RP1: variants seen among roughly 807,000 people sequenced by gnomAD.
RP1 encodes the protein RP1 axonemal microtubule associated, also known as oxygen-regulated protein 1.
Under a neutral mutation model 14.8 loss-of-function variants are expected in RP1, and 16 were observed. The observed-to-expected ratio is 1.08, with a 90% CI of 0.73 to 1.65. The LOEUF is 1.65. Among genes scored for constraint, RP1 ranks in the 40% most tolerant of loss-of-function variants. The pLI is 0.00. For missense variants in RP1, 2,631 were observed against 2,535.0 expected (o/e 1.04, Z -0.81); for synonymous variants, 876 against 883.6 (o/e 0.99, Z 0.15).
At chr8:54,853,752 G>GAT (rs1812111275) in intron 26 of RP1, among the ~76,000 whole-genome samples, 1 of 136,226 alleles carries the variant, frequency 7.3e-6, no homozygotes. Context: ...AAGAAAGAAA[G>GAT]AGAGAGAGAA....
Position 54,621,075 on chromosome 8 carries a change from C to T in RP1, c.109C>T (p.Arg37Ter). ...CCTCACTCATCCTGTTGTGGCCAAG[C>T]GAATCAGTTTCTACAAGAGCGGAGA... ...LSLTHPVVAK[R>*]ISFYKSGDPQ... is the part of the protein sequence containing the mutation. Residue 37 changes from arginine to a stop codon, truncating the protein, a stop_gained, in exon 2 of 4, where the codon CGA becomes TGA. Transcript: ENST00000220676. LOFTEE classifies it high-confidence loss of function. 1 of 1,614,120 alleles carries T rather than the reference C, an allele frequency of 6.2e-7. No individual in the cohort carries two copies. The highest frequency in any genetic ancestry group is 8.5e-7 in the Non-Finnish European group (1 of 1,180,016).
chr8:54,747,457 A>G (rs1311168438), intron 19 of RP1, among the ~76,000 whole-genome samples: 1 of 152,246 alleles, frequency 6.6e-6, no homozygotes, highest in African/African-American at 2.4e-5. Context: ...CTTCCACTAG[A>G]AAGTGAGTGA....
At chr8:54,606,368 G>A (rs1805442554) in intron 1 of RP1, among the ~76,000 whole-genome samples, 1 of 151,638 alleles carries the variant, frequency 6.6e-6, no homozygotes, top group South Asian at 2.1e-4. Context: ...TTGAATATTG[G>A]CCCCCACTCT....
At chr8:54,795,708 C>T (rs748301295) in intron 24 of RP1, among the ~76,000 whole-genome samples, 4 of 152,136 alleles carry the variant, frequency 2.6e-5, no homozygotes, top group Non-Finnish European at 5.9e-5. Context: ...TTTTGAAAGA[C>T]TAACATCTTT....
chr8:54,752,735 A>C (rs907888972), intron 19 of RP1, among the ~76,000 whole-genome samples: 1 of 152,120 alleles, frequency 6.6e-6, no homozygotes, highest in Non-Finnish European at 1.5e-5. Context: ...ATGTAGACAC[A>C]CCAGTTTCTC....
At chr8:54,654,161 T>G (rs1806711235) in intron 5 of RP1, among the ~76,000 whole-genome samples, 1 of 152,238 alleles carries the variant, frequency 6.6e-6, no homozygotes, top group South Asian at 2.1e-4. Context: ...AAAGCCCTTA[T>G]CCAGTTTATC....
At chr8:54,726,443 G>A (rs1204982705) in exon 17 of RP1, 2 of 1,534,394 alleles carry the variant, frequency 1.3e-6, no homozygotes, top group African/African-American at 1.4e-5. Flanking sequence ...CCCAGAATCT[G>A]AGGCTAGGAG....
At chr8:54,614,490 C>G (rs1805668268), upstream of RP1, among the ~76,000 whole-genome samples, 1 of 152,098 alleles carries the variant, frequency 6.6e-6, no homozygotes, top group Non-Finnish European at 1.5e-5. Context: ...ACCACTGCAG[C>G]AAGATCCCAG....
chr8:54,818,993 G>A (rs1013520769), intron 24 of RP1, among the ~76,000 whole-genome samples: 7 of 152,024 alleles, frequency 4.6e-5, no homozygotes, highest in African/African-American at 1.4e-4. Context: ...GATGGGAAGA[G>A]GAGGGGGAGG....
At position 54,580,733 on chromosome 8, in the gene RP1, C is replaced by G. The variant is rs576698299; in HGVS notation, c.-13+21413C>G. On this transcript the variant is annotated intron_variant, in intron 1 of 22. Transcript: ENST00000636932. ...TCCTGGGTTCAAGTGATTCTCCTGCCCCAGCCTCCAGAGTAGCTGGGACTA... is the reference window on the plus strand; with the variant it reads ...TCCTGGGTTCAAGTGATTCTCCTGCGCCAGCCTCCAGAGTAGCTGGGACTA... 5.3e-5 allele frequency among the ~76,000 whole-genome samples: 8 copies of G among 152,086 alleles called. No individual in the cohort carries two copies. The South Asian group carries it at 1.7e-3, about 32-fold the overall frequency.
chr8:54,853,399 A>G lies in RP1; in HGVS notation c.3990+671A>G, dbSNP rs527677306. Among the ~76,000 whole-genome samples, 10 of 152,310 alleles carry G rather than the reference A, an allele frequency of 6.6e-5. No individual in the cohort carries two copies. The South Asian group carries it at 2.1e-3, about 32-fold the overall frequency. ...AAGACTCAGTGGAAGTGTGCATTCTATAAGTCACTGCTGTTGGCAGCAGGG... is the reference window on the plus strand; with the variant it reads ...AAGACTCAGTGGAAGTGTGCATTCTGTAAGTCACTGCTGTTGGCAGCAGGG... On this transcript the variant is annotated intron_variant, in intron 26 of 28. Coordinates refer to the RP1 transcript ENST00000637698.
chr8:54,828,882 C>CTTTTTTTTTTTTTTTTTTTTT (rs201534661), intron 24 of RP1, among the ~76,000 whole-genome samples: 2 of 83,900 alleles, frequency 2.4e-5, no homozygotes, highest in Non-Finnish European at 4.4e-5. Flanking sequence ...TCTTCTTCTT[C>CTTTTTTTTTTTTTTTTTTTTT]TTTTTTTTTT....
intron 24 of RP1, among the ~76,000 whole-genome samples, chr8:54,821,731 C>T (rs1412499976): frequency 2.6e-5 from 4 of 152,138 alleles, no homozygotes; most frequent in Admixed American, 6.6e-5. Context: ...TAATTGTCAC[C>T]GCTAAGTACC....
At chr8:54,866,814 T>C (rs1460746603) in intron 28 of RP1, among the ~76,000 whole-genome samples, 1 of 152,202 alleles carries the variant, frequency 6.6e-6, no homozygotes, top group Non-Finnish European at 1.5e-5. Context: ...TTATATATGC[T>C]GTGAAGACCT....
intron 1 of RP1, among the ~76,000 whole-genome samples, chr8:54,600,215 GT>G (rs1411453590): frequency 6.6e-6 from 1 of 152,166 alleles, no homozygotes; most frequent in Admixed American, 6.5e-5. Flanking sequence ...ATAAAGGGGA[GT>G]TTCCCTGCAT....
At chr8:54,739,953 C>T (rs1435716156) in intron 19 of RP1, among the ~76,000 whole-genome samples, 1 of 151,662 alleles carries the variant, frequency 6.6e-6, no homozygotes, top group Non-Finnish European at 1.5e-5. Context: ...ACTGTGCTGC[C>T]AGTTGTGTAG....
In RP1 at chr8:54,850,956, G is replaced by C. The variant is rs116312922; in HGVS notation, c.3836-1618G>C. The stretch of plus-strand genomic sequence containing the variant: ...TGTAACTCTTTTTGACTCGGTTTGA[G>C]AATAAAAGTTAGTGCTCAACTATGA... On this transcript the variant is annotated intron_variant, in intron 25 of 28. Coordinates refer to the RP1 transcript ENST00000637698. Among the ~76,000 whole-genome samples the C allele has an allele frequency of 5.6e-3, 846 of 152,252 alleles. 7 individuals carry two copies. The highest frequency in any genetic ancestry group is 0.019 in the African/African-American group (790 of 41,554).
chr8:54,669,016 AATAG>A (rs1294160563), intron 7 of RP1, among the ~76,000 whole-genome samples: 1 of 152,224 alleles, frequency 6.6e-6, no homozygotes, highest in Non-Finnish European at 1.5e-5. Context: ...CAAAAGCCAA[AATAG>A]ACAAATGGGA....
rs1160117650 is a variant in RP1, at chr8:54,627,614, A to G, written c.3732A>G (p.Ala1244=). 6.2e-7 allele frequency: 1 copy of G among 1,614,204 alleles called. No individual in the cohort carries two copies. The highest frequency in any genetic ancestry group is 1.1e-5 in the South Asian group (1 of 91,088). ...ATGGAGGTTGCTCTGCCAGTGAGGC[A>G]TGTGCCCCTGAAGTCTGTGTTTTGG... ...SLDGGCSASE[A]CAPEVCVLEV... The change falls in exon 4 of 4, where the codon GCA becomes GCG. Residue 1244 remains alanine (A), a synonymous_variant. Transcript: ENST00000220676.
Sources: gnomAD v4.1 joint callset for allele counts (sites outside exome capture counted in the v4.1 genomes callset) on GRCh38, gnomAD v4.1.1 for gene constraint, MANE v1.5 for transcripts, NCBI Gene and HGNC (gene_info 2026-07-23, HGNC 2026-07-21) for gene names.